Variants in HYDIN observed in about 807,000 individuals in gnomAD.
HYDIN encodes axonemal central pair apparatus protein HYDIN.
A neutral mutation model predicts 403.9 loss-of-function variants in HYDIN; 132 were observed. That is an observed-to-expected ratio of 0.33 (90% CI 0.28 to 0.38). The LOEUF is 0.38. HYDIN is among the 10% of genes least tolerant of loss of function. The pLI is 1.00. For synonymous variants in HYDIN, 1,202 were observed against 1,891.7 expected (o/e 0.64, Z 9.46); for missense variants, 2,827 against 5,009.5 (o/e 0.56, Z 13.15).
At chr16:71,097,988 A>C (rs2083324706) in intron 10 of HYDIN, among the ~76,000 whole-genome samples, 1 of 152,142 alleles carries the variant, frequency 6.6e-6, no homozygotes, top group Non-Finnish European at 1.5e-5. Context: ...TGTCCGTTAA[A>C]GACAGAATAC....
intron 9 of HYDIN, among the ~76,000 whole-genome samples, chr16:71,118,097 A>T (rs1057114373): frequency 5.3e-5 from 8 of 152,160 alleles, no homozygotes; most frequent in Non-Finnish European, 8.8e-5. Context: ...GGCTGTATTT[A>T]TATAGACACA....
At chr16:70,842,194 G>A (rs1162965693) in intron 75 of HYDIN, among the ~76,000 whole-genome samples, 2 of 151,232 alleles carry the variant, frequency 1.3e-5, no homozygotes, top group East Asian at 3.9e-4. Context: ...GTATATGTCT[G>A]TTAGGCCTAG....
intron 21 of HYDIN, among the ~76,000 whole-genome samples, chr16:71,022,208 G>A (rs1266419666): frequency 6.6e-6 from 1 of 152,042 alleles, no homozygotes; most frequent in East Asian, 1.9e-4. Flanking sequence ...AGCCACACTT[G>A]GTTGGTTTTG....
At chr16:70,820,809 C>T (rs1232653928) in intron 83 of HYDIN, among the ~76,000 whole-genome samples, 7 of 151,968 alleles carry the variant, frequency 4.6e-5, no homozygotes, top group Admixed American at 2.6e-4. Flanking sequence ...CCACCACACC[C>T]GTCTAATTTT....
intron 13 of HYDIN, among the ~76,000 whole-genome samples, chr16:71,072,737 G>T (rs894391580): frequency 2.6e-5 from 4 of 151,964 alleles, no homozygotes; most frequent in Non-Finnish European, 5.9e-5. Context: ...AGATCCATGT[G>T]ATTACAAGTA....
intron 68 of HYDIN, 40 bp from the exon 69 acceptor site, chr16:70,862,295 AG>A (rs2039465188): frequency 7.4e-7 from 1 of 1,346,196 alleles, no homozygotes; most frequent in African/African-American, 1.5e-5. Flanking sequence ...CTGCATTTGC[AG>A]TGAGAGGCAG....
At position 70,874,805 on chromosome 16, in the gene HYDIN, C is replaced by G; in HGVS notation, c.10660+12G>C. ...ATCCATTGCCCTCTAGAAGCACCCTCCCCACACTTACCTTTTACATGTGGT... is the reference window on the plus strand; with the variant it reads ...ATCCATTGCCCTCTAGAAGCACCCTGCCCACACTTACCTTTTACATGTGGT... On this transcript the variant is annotated intron_variant, in intron 63 of 85. Transcript: ENST00000393567. 1 of 1,611,484 alleles carries G rather than the reference C, an allele frequency of 6.2e-7. No homozygotes were observed. Among genetic ancestry groups the G allele is most frequent in the Non-Finnish European group, 8.5e-7 (1 of 1,178,864 alleles).
chr16:71,038,191 AT>A (rs1263419840), intron 18 of HYDIN, among the ~76,000 whole-genome samples: 56 of 152,418 alleles, frequency 3.7e-4, no homozygotes, highest in Admixed American at 1.6e-3. Flanking sequence ...GTAATTCAGA[AT>A]TCCGTGACCA....
chr16:71,062,470 G>A (rs1012989641), intron 16 of HYDIN, 137 bp from the exon 17 acceptor site: 1 of 641,588 alleles, frequency 1.6e-6, no homozygotes, highest in Non-Finnish European at 2.6e-6. Flanking sequence ...AAATAGGGAT[G>A]AGCACCCCAA....
At chr16:71,086,049 A>G (rs195639) in intron 12 of HYDIN, among the ~76,000 whole-genome samples, 266 of 151,102 alleles carry the variant, frequency 1.8e-3, no homozygotes, top group African/African-American at 6.0e-3. Context: ...TATTTTCTAT[A>G]TGTCTCATGT....
chr16:70,970,871 C>T, intron 35 of HYDIN, 112 bp from the exon 36 acceptor site: 3 of 1,025,466 alleles, frequency 2.9e-6, no homozygotes, highest in Non-Finnish European at 2.8e-6. Context: ...AGGGAGAAAA[C>T]TTATTATAAA....
At chr16:70,853,052 G>A (rs559520149) in intron 73 of HYDIN, among the ~76,000 whole-genome samples, 22 of 151,646 alleles carry the variant, frequency 1.5e-4, no homozygotes, top group African/African-American at 4.1e-4. Context: ...ATAGTGGTGC[G>A]TGCCTGTAGC....
chr16:71,094,006 C>T (rs1005690859), intron 10 of HYDIN, 71 bp from the exon 11 acceptor site: 24 of 1,298,182 alleles, frequency 1.8e-5, no homozygotes, highest in Admixed American at 1.6e-4. Flanking sequence ...CCCTCATGTA[C>T]GTTACCAATA....
intron 45 of HYDIN, among the ~76,000 whole-genome samples, chr16:70,931,898 C>T (rs1296708376): frequency 2.7e-4 from 40 of 147,544 alleles, no homozygotes; most frequent in African/African-American, 9.0e-4. Flanking sequence ...GCCTATAATC[C>T]CAGCTACTTG....
chr16:70,963,124 C>T (rs1774271), intron 37 of HYDIN, among the ~76,000 whole-genome samples: 84,012 of 148,726 alleles, frequency 0.56, 27,224 homozygotes, highest in African/African-American at 0.88. Context: ...CTGGGCAGTC[C>T]CTCTGATGGT....
At chr16:70,902,960 C>CTT (rs11284295) in intron 52 of HYDIN, among the ~76,000 whole-genome samples, 1 of 136,482 alleles carries the variant, frequency 7.3e-6, no homozygotes, top group Non-Finnish European at 1.6e-5. Flanking sequence ...TCTCTCTATG[C>CTT]TTTTTTTTTT....
rs534090937 is a variant in HYDIN at position 71,195,282 on chromosome 16, T to G, written c.-23-8364A>C. Among the ~76,000 whole-genome samples the G allele has an allele frequency of 2.0e-5, 3 of 151,844 alleles. No homozygotes were observed. In the East Asian group the frequency reaches 5.8e-4, roughly 29 times the overall value. ...AAAAAAAAAAAAGAAAAGAAAAAAC[T>G]AAAGCGAAAGGAATTCTATGCAATT... On this transcript the variant is annotated intron_variant, in intron 1 of 85. Coordinates refer to ENST00000393567, the MANE Select transcript of HYDIN (RefSeq NM_001270974.2).
rs2078708992 is a variant in HYDIN, at chr16:70,970,762, G to C, written c.5380-3C>G. 1 of 1,589,034 alleles carries C rather than the reference G, an allele frequency of 6.3e-7. No homozygotes were observed. Among genetic ancestry groups the C allele is most frequent in the Non-Finnish European group, 8.6e-7 (1 of 1,164,674 alleles). ...ACCAGGGTTTGGCTGTAGAATTTCT[G>C]GAAAACATAAAAACAAAACAAGCAT... is the stretch of plus-strand genomic sequence containing the variant. On this transcript the variant is annotated splice_region_variant and splice_polypyrimidine_tract_variant and intron_variant, in intron 35 of 85. Coordinates refer to ENST00000393567, the MANE Select transcript of HYDIN (RefSeq NM_001270974.2).
At chr16:71,187,703 C>G (rs1292331517) in intron 1 of HYDIN, among the ~76,000 whole-genome samples, 1 of 151,972 alleles carries the variant, frequency 6.6e-6, no homozygotes, top group African/African-American at 2.4e-5. Context: ...AAGGAAGTAC[C>G]AGACCAAGAC....
Sources: gnomAD v4.1 joint callset for allele counts (sites outside exome capture counted in the v4.1 genomes callset) on GRCh38, gnomAD v4.1.1 for gene constraint, MANE v1.5 for transcripts, NCBI Gene and HGNC (gene_info 2026-07-23, HGNC 2026-07-21) for gene names.